SCAPER: variants seen among roughly 807,000 people sequenced by gnomAD.
The protein encoded by SCAPER is S phase cyclin A-associated protein in the endoplasmic reticulum.
In SCAPER, 98 loss-of-function variants were observed where a neutral mutation model predicts 182.2. The ratio of observed to expected loss-of-function variants is 0.54; its 90% confidence interval spans 0.46 to 0.64. The LOEUF is 0.64. Ranked by LOEUF, SCAPER falls within the 30% of genes least tolerant of loss-of-function variation. The pLI is 0.00. For missense variants in SCAPER, 1,432 were observed against 1,690.0 expected (o/e 0.85, Z 2.68); for synonymous variants, 605 against 564.6 (o/e 1.07, Z -1.01).
intron 17 of SCAPER, among the ~76,000 whole-genome samples, chr15:76,726,132 TATATATATATATATATATATATAA>T (rs1335988944): frequency 8.5e-6 from 1 of 118,274 alleles, no homozygotes. Flanking sequence ...AGAATATATA[TATATATATATATATATATATATAA>T]AAAACTCTAT....
At chr15:76,427,750 T>A (rs1468851064) in intron 26 of SCAPER, among the ~76,000 whole-genome samples, 1 of 152,006 alleles carries the variant, frequency 6.6e-6, no homozygotes, top group African/African-American at 2.4e-5. Flanking sequence ...CTGGCCAACA[T>A]GGTGAAACCC....
In SCAPER at chr15:76,841,887, A is replaced by C. The variant is rs768019208; in HGVS notation, c.240T>G (p.Asp80Glu). 1 of 1,613,918 alleles carries C rather than the reference A, an allele frequency of 6.2e-7. No individual in the cohort carries two copies. Among genetic ancestry groups the C allele is most frequent in the Non-Finnish European group, 8.5e-7 (1 of 1,179,836 alleles). ...DCKITSSTTGDKHFDKSPTKT... is the reference protein window; with the variant it reads ...DCKITSSTTGEKHFDKSPTKT... Reference sequence around the variant, plus strand: ...TAGTGGGACTTTTATCAAAGTGTTTATCTCCAGTCGTAGACGATGTTATTT... The same window carrying C: ...TAGTGGGACTTTTATCAAAGTGTTTCTCTCCAGTCGTAGACGATGTTATTT... Residue 80 changes from aspartate (D) to glutamate (E), a missense_variant, in exon 5 of 32, where the codon GAT (aspartate) becomes GAG (glutamate). Around this residue, in one of 5 missense-constraint regions of SCAPER, gnomAD observed 480 missense variants for 510.2 expected, o/e 0.94. Transcript: ENST00000563290.
Position 76,354,831 on chromosome 15 carries a change from G to A in SCAPER, c.3856-691C>T, listed in dbSNP as rs1427573695. ...ATTTAAAGAAATAGGGCAATGCAAC[G>A]AATGGGCTTGCAGGGAAGCCCTCTT... On this transcript the variant is annotated intron_variant, in intron 29 of 31. Transcript: ENST00000563290. This position sits in a 1 kb window ranked among gnomAD's most constrained non-coding sequence, Gnocchi z 4.4. Among the ~76,000 whole-genome samples, 3 of 152,194 alleles carry A rather than the reference G, an allele frequency of 2.0e-5. No individual in the cohort carries two copies. The highest frequency in any genetic ancestry group is 4.8e-5 in the African/African-American group (2 of 41,448).
intron 5 of SCAPER, among the ~76,000 whole-genome samples, chr15:76,814,489 C>T (rs1267298072): frequency 6.6e-6 from 1 of 152,026 alleles, no homozygotes; most frequent in Non-Finnish European, 1.5e-5. Flanking sequence ...TAATTTTCAA[C>T]AAGACCACCA....
intron 27 of SCAPER, among the ~76,000 whole-genome samples, chr15:76,403,653 A>T (rs1467412836): frequency 2.0e-5 from 3 of 152,238 alleles, no homozygotes; most frequent in South Asian, 4.1e-4. Flanking sequence ...GACTGGACAA[A>T]TTCCTAAAAA....
chr15:76,877,359 T>C (rs951002623), intron 2 of SCAPER, among the ~76,000 whole-genome samples: 1 of 152,218 alleles, frequency 6.6e-6, no homozygotes, highest in African/African-American at 2.4e-5. Context: ...TGTAAGCATT[T>C]TCCTCACAGA....
intron 15 of SCAPER, among the ~76,000 whole-genome samples, chr15:76,753,370 A>G (rs2062210657): frequency 1.3e-5 from 2 of 151,910 alleles, no homozygotes; most frequent in South Asian, 4.1e-4. Flanking sequence ...CAGAGAAAAC[A>G]ATAGATACTG....
chr15:76,472,940 A>G (rs536171220), intron 24 of SCAPER, among the ~76,000 whole-genome samples: 1 of 152,216 alleles, frequency 6.6e-6, no homozygotes, highest in South Asian at 2.1e-4. Context: ...CCTTAAACCC[A>G]AACTCTGTTG....
At chr15:76,663,170 T>C (rs1215966117) in intron 21 of SCAPER, among the ~76,000 whole-genome samples, 1 of 152,028 alleles carries the variant, frequency 6.6e-6, no homozygotes, top group East Asian at 1.9e-4. Flanking sequence ...TTTTAGAGGA[T>C]ATGAAAAGAT....
rs142578975 is a variant in SCAPER, at chr15:76,892,416, T to A, written c.-59-8540A>T. ...ACAGAATGGGAGAAAATTTTTGCAATCTACCCATCTGACTAAGGGCTAATA... is the reference window on the plus strand; with the variant it reads ...ACAGAATGGGAGAAAATTTTTGCAAACTACCCATCTGACTAAGGGCTAATA... On this transcript the variant is annotated intron_variant, in intron 1 of 31. Transcript: ENST00000563290. 2.1e-3 allele frequency among the ~76,000 whole-genome samples: 327 copies of A among 152,218 alleles called. 10 individuals carry two copies. The East Asian group carries it at 0.05, about 23-fold the overall frequency.
chr15:76,537,698 G>A (rs75304446), intron 23 of SCAPER, among the ~76,000 whole-genome samples: 57,471 of 150,956 alleles, frequency 0.38, 12,908 homozygotes, highest in Middle Eastern at 0.52. Flanking sequence ...CAATGGCAAC[G>A]AAAGCCAAAA....
chr15:76,689,479 G>C lies in SCAPER; in HGVS notation c.2508+12279C>G, dbSNP rs139810793. Among the ~76,000 whole-genome samples, 542 of 152,044 alleles carry C rather than the reference G, an allele frequency of 3.6e-3. 2 individuals carry two copies. The highest frequency in any genetic ancestry group is 0.013 in the African/African-American group (521 of 41,522). On this transcript the variant is annotated intron_variant, in intron 20 of 31. Coordinates refer to ENST00000563290, the MANE Select transcript of SCAPER (RefSeq NM_020843.4). ...AAATAAATTAGAAAATCTAATCTAA[G>C]ACAGTAATTTTCTAAAAAAATATCA...
chr15:76,709,622 A>C (rs1331055929), intron 17 of SCAPER, among the ~76,000 whole-genome samples: 1 of 152,222 alleles, frequency 6.6e-6, no homozygotes, highest in Non-Finnish European at 1.5e-5. Flanking sequence ...TTACTGGTAA[A>C]TTCCCCCAAA....
intron 20 of SCAPER, among the ~76,000 whole-genome samples, chr15:76,682,741 G>GA (rs1382175196): frequency 6.6e-6 from 1 of 152,132 alleles, no homozygotes; most frequent in Non-Finnish European, 1.5e-5. Flanking sequence ...AAACAAAGCA[G>GA]AGGGCTGGAT....
chr15:76,775,922 A>G (rs538653954), intron 8 of SCAPER, among the ~76,000 whole-genome samples: 6 of 152,186 alleles, frequency 3.9e-5, no homozygotes, highest in Non-Finnish European at 7.3e-5. Context: ...TTATAGCCCC[A>G]ATTGTAAATT....
intron 23 of SCAPER, among the ~76,000 whole-genome samples, chr15:76,563,389 A>C (rs915329679): frequency 6.6e-6 from 1 of 152,216 alleles, no homozygotes; most frequent in African/African-American, 2.4e-5. Context: ...GAATATTATG[A>C]ATACCTCTAT....
intron 25 of SCAPER, among the ~76,000 whole-genome samples, chr15:76,441,819 TC>T (rs1422184899): frequency 3.3e-5 from 5 of 150,162 alleles, no homozygotes; most frequent in African/African-American, 1.2e-4. Flanking sequence ...GTACATTATT[TC>T]CTCTCTCTCT....
intron 4 of SCAPER, among the ~76,000 whole-genome samples, chr15:76,854,053 G>A (rs2071066178): frequency 6.6e-6 from 1 of 152,034 alleles, no homozygotes; most frequent in Non-Finnish European, 1.5e-5. Context: ...GGCGGATCAC[G>A]AGGTCAGCAG....
At chr15:76,419,720 C>CA (rs973698050) in intron 26 of SCAPER, among the ~76,000 whole-genome samples, 99 of 149,616 alleles carry the variant, frequency 6.6e-4, no homozygotes, top group African/African-American at 2.2e-3. Context: ...AACTCTGTCT[C>CA]AAAAAAAAAG....
Sources: allele counts gnomAD v4.1 joint callset (sites outside exome capture counted in the v4.1 genomes callset), GRCh38; gene constraint gnomAD v4.1.1; regional missense constraint gnomAD v4.1.1; non-coding constraint Gnocchi (gnomAD v3.1); transcripts MANE v1.5; gene names NCBI Gene and HGNC (gene_info 2026-07-23, HGNC 2026-07-21).